IMMP2L: variants seen among roughly 807,000 people sequenced by gnomAD.
The protein encoded by IMMP2L is mitochondrial inner membrane protease subunit 2.
In IMMP2L, 18 loss-of-function variants were observed where a neutral mutation model predicts 19.3. That is an observed-to-expected ratio of 0.93 (90% CI 0.64 to 1.38). IMMP2L has a LOEUF of 1.38. IMMP2L is among the 40% of genes most tolerant of loss of function. The probability of loss-of-function intolerance (pLI) is 0.00; values close to 1 mark genes in which losing one functional copy is unlikely to be tolerated. For synonymous variants in IMMP2L, 76 were observed against 73.0 expected, an observed-to-expected ratio of 1.04 and a Z score of -0.21; for missense variants, 233 against 218.2, an observed-to-expected ratio of 1.07 and a Z score of -0.43.
At chr7:111,179,836 T>C (rs1807506345) in intron 3 of IMMP2L, among the ~76,000 whole-genome samples, 1 of 152,086 alleles carries the variant, frequency 6.6e-6, no homozygotes, top group African/African-American at 2.4e-5. Context: ...GTAACTTCTA[T>C]GTCAATACTT....
In IMMP2L at chr7:110,730,859, C is replaced by T. The variant is rs1158632930; in HGVS notation, c.409-67138G>A. On this transcript the variant is annotated intron_variant, in intron 5 of 5. Coordinates refer to ENST00000405709, the MANE Select transcript of IMMP2L (RefSeq NM_032549.4). Reference sequence around the variant, plus strand: ...TTTCTTACTCCTCAGTTTGCAGACACCCTCTTATGGGACTTCACCTTGTGA... The same window carrying T: ...TTTCTTACTCCTCAGTTTGCAGACATCCTCTTATGGGACTTCACCTTGTGA... Among the ~76,000 whole-genome samples the T allele has an allele frequency of 5.9e-5, 9 of 152,146 alleles. No homozygotes were observed. In the East Asian group the frequency reaches 1.7e-3, roughly 29 times the overall value.
intron 4 of IMMP2L, among the ~76,000 whole-genome samples, chr7:110,899,762 G>A (rs189252770): frequency 1.3e-5 from 2 of 152,310 alleles, no homozygotes; most frequent in African/African-American, 4.8e-5. Flanking sequence ...TACAAAGCAT[G>A]AAAGGAGTTA....
chr7:110,941,102 A>AC (rs759426222), intron 4 of IMMP2L, among the ~76,000 whole-genome samples: 1 of 152,026 alleles, frequency 6.6e-6, no homozygotes, highest in Admixed American at 6.6e-5. Context: ...GAGTAACAAT[A>AC]CCCCTTTAGG....
chr7:111,024,719 C>A (rs148556294), intron 3 of IMMP2L, among the ~76,000 whole-genome samples: 1 of 152,104 alleles, frequency 6.6e-6, no homozygotes, highest in African/African-American at 2.4e-5. Flanking sequence ...CATCTAGAAG[C>A]CCCTTTACTC....
intron 4 of IMMP2L, among the ~76,000 whole-genome samples, chr7:110,902,531 T>A (rs904221724): frequency 6.7e-6 from 1 of 149,576 alleles, no homozygotes; most frequent in Non-Finnish European, 1.5e-5. Context: ...GGAAAAACCC[T>A]GAGTTCTTTG....
At chr7:111,386,807 T>C (rs1400464789) in intron 3 of IMMP2L, among the ~76,000 whole-genome samples, 1 of 152,144 alleles carries the variant, frequency 6.6e-6, no homozygotes, top group African/African-American at 2.4e-5. Flanking sequence ...CTTTAATGTG[T>C]TTGGCAAAAA....
At chr7:110,699,867 A>C (rs1389446295) in intron 5 of IMMP2L, among the ~76,000 whole-genome samples, 6 of 152,150 alleles carry the variant, frequency 3.9e-5, no homozygotes, top group Admixed American at 3.3e-4. Flanking sequence ...CTTGAAGAAG[A>C]AAAAAACCAT....
At position 111,093,116 on chromosome 7, in the gene IMMP2L, G is replaced by A. The variant is rs539396009; in HGVS notation, c.240-129551C>T. Among the ~76,000 whole-genome samples the A allele has an allele frequency of 2.0e-4, 30 of 152,224 alleles. No homozygotes were observed. The South Asian group carries it at 4.1e-3, about 21-fold the overall frequency. ...AATTCCAGTGACCTTTGTAAATGAT[G>A]ACAATAAAGCAGCTCTGACAATATG... is the stretch of plus-strand genomic sequence containing the variant. On this transcript the variant is annotated intron_variant, in intron 3 of 5. Transcript: ENST00000405709.
intron 5 of IMMP2L, among the ~76,000 whole-genome samples, chr7:110,790,169 G>T (rs897744654): frequency 1.3e-5 from 2 of 151,594 alleles, no homozygotes; most frequent in Non-Finnish European, 2.9e-5. Flanking sequence ...ACAAGCAGAG[G>T]GGAGAACAAG....
At chr7:110,791,261 C>G (rs1302613672) in intron 5 of IMMP2L, among the ~76,000 whole-genome samples, 1 of 151,490 alleles carries the variant, frequency 6.6e-6, no homozygotes, top group Admixed American at 6.6e-5. Flanking sequence ...GTAAGTATAG[C>G]TCTTAGGGAG....
chr7:111,350,084 C>T (rs145067641), intron 3 of IMMP2L, among the ~76,000 whole-genome samples: 1,605 of 151,852 alleles, frequency 0.011, 31 homozygotes, highest in African/African-American at 0.036. Context: ...TCTCCTGCCT[C>T]ACCCTCCCAA....
At chr7:111,150,081 G>T (rs1002669819) in intron 3 of IMMP2L, among the ~76,000 whole-genome samples, 2 of 151,938 alleles carry the variant, frequency 1.3e-5, no homozygotes, top group Non-Finnish European at 2.9e-5. Flanking sequence ...CCTTTATTAT[G>T]CAGTGACTTG....
chr7:110,778,148 T>C (rs1474046310), intron 5 of IMMP2L, among the ~76,000 whole-genome samples: 1 of 151,972 alleles, frequency 6.6e-6, no homozygotes, highest in Admixed American at 6.6e-5. Flanking sequence ...AGTTTTCCAG[T>C]GAAGAAATCT....
In IMMP2L at chr7:111,445,819, C is replaced by A. The variant is rs548485412; in HGVS notation, c.239+41419G>T. On this transcript the variant is annotated intron_variant, in intron 3 of 5. Coordinates refer to ENST00000405709, the MANE Select transcript of IMMP2L (RefSeq NM_032549.4). ...ACCGGGTTCATCTCACTAGGGAGTG[C>A]CAGACAGTGGGCGCAGGCCAGTGGG... Among the ~76,000 whole-genome samples, 318 of 152,260 alleles carry A rather than the reference C, an allele frequency of 2.1e-3. 3 individuals are homozygous for A. The highest frequency in any genetic ancestry group is 7.3e-3 in the African/African-American group (302 of 41,562).
intron 5 of IMMP2L, among the ~76,000 whole-genome samples, chr7:110,787,857 CA>C (rs61235379): frequency 1.3e-5 from 2 of 150,876 alleles, no homozygotes; most frequent in African/African-American, 2.4e-5. Flanking sequence ...CCAGGAAGGA[CA>C]AAAAAAACAG....
At chr7:110,670,497 C>G (rs4727741) in intron 5 of IMMP2L, among the ~76,000 whole-genome samples, 75,976 of 151,840 alleles carry the variant, frequency 0.5, 19,971 homozygotes, top group African/African-American at 0.66. Flanking sequence ...CGAGACCAGC[C>G]TGGCCAACAT....
intron 3 of IMMP2L, among the ~76,000 whole-genome samples, chr7:111,003,136 T>C (rs1823893869): frequency 6.6e-6 from 1 of 152,176 alleles, no homozygotes; most frequent in African/African-American, 2.4e-5. Context: ...TAGCATTTAG[T>C]TCATTGTTCA....
intron 3 of IMMP2L, among the ~76,000 whole-genome samples, chr7:111,200,643 G>A (rs1178890407): frequency 1.3e-5 from 2 of 151,998 alleles, no homozygotes; most frequent in Non-Finnish European, 2.9e-5. Context: ...ATAATACACT[G>A]TTATATGGCT....
intron 3 of IMMP2L, among the ~76,000 whole-genome samples, chr7:111,112,490 A>G (rs2129584153): frequency 6.6e-6 from 1 of 152,330 alleles, no homozygotes; most frequent in African/African-American, 2.4e-5. Flanking sequence ...AAGATGCACA[A>G]ACATGCACAC....
Sources: allele counts gnomAD v4.1 joint callset (sites outside exome capture counted in the v4.1 genomes callset), GRCh38; gene constraint gnomAD v4.1.1; transcripts MANE v1.5; gene names NCBI Gene and HGNC (gene_info 2026-07-23, HGNC 2026-07-21).